TMEM87B: variants seen among roughly 807,000 people sequenced by gnomAD.
The protein encoded by TMEM87B is transmembrane protein 87B.
TMEM87B carries 83 observed loss-of-function variants against 80.3 expected under a neutral mutation model. That is an observed-to-expected ratio of 1.03 (90% CI 0.87 to 1.24). The LOEUF (loss-of-function observed/expected upper bound fraction) is 1.24, where lower values mean the gene tolerates loss of function less well. Ranked by LOEUF, TMEM87B falls within the 50% of genes most tolerant of loss-of-function variation. The pLI is 0.00. For synonymous variants in TMEM87B, 219 were observed against 230.5 expected (o/e 0.95, Z 0.45); for missense variants, 625 against 674.4 (o/e 0.93, Z 0.81).
chr2:112,097,632 G>T (rs1186200434), intron 13 of TMEM87B, among the ~76,000 whole-genome samples: 1 of 141,276 alleles, frequency 7.1e-6, no homozygotes, highest in African/African-American at 2.6e-5. Flanking sequence ...AGACTGGTGT[G>T]AACCCAGGAG....
intron 3 of TMEM87B, among the ~76,000 whole-genome samples, chr2:112,064,572 A>G (rs1383389149): frequency 6.6e-6 from 1 of 152,242 alleles, no homozygotes; most frequent in Non-Finnish European, 1.5e-5. Flanking sequence ...AAAAAATTAT[A>G]GGGAAACTAG....
At chr2:112,068,771 C>T (rs999717580) in intron 4 of TMEM87B, among the ~76,000 whole-genome samples, 2 of 152,190 alleles carry the variant, frequency 1.3e-5, no homozygotes, top group African/African-American at 2.4e-5. Context: ...CATTTTAGCA[C>T]CTAGAACCCC....
intron 11 of TMEM87B, among the ~76,000 whole-genome samples, chr2:112,095,756 T>G (rs780861945): frequency 2.6e-5 from 4 of 152,182 alleles, no homozygotes; most frequent in Non-Finnish European, 5.9e-5. Context: ...TAATGACATA[T>G]TTAAAATTTT....
intron 4 of TMEM87B, among the ~76,000 whole-genome samples, chr2:112,067,491 C>T (rs985146989): frequency 2.6e-5 from 4 of 151,930 alleles, no homozygotes; most frequent in African/African-American, 7.3e-5. Context: ...CCCAGCTACT[C>T]GGGTGGCTGA....
chr2:112,071,241 C>T (rs529091652), intron 4 of TMEM87B, among the ~76,000 whole-genome samples: 1 of 152,044 alleles, frequency 6.6e-6, no homozygotes, highest in Non-Finnish European at 1.5e-5. Flanking sequence ...TATGGGATTG[C>T]ATTCATGATT....
At chr2:112,100,947 T>C (rs1456633199) in intron 15 of TMEM87B, among the ~76,000 whole-genome samples, 4 of 152,198 alleles carry the variant, frequency 2.6e-5, no homozygotes, top group East Asian at 1.9e-4. Flanking sequence ...TTCATAAGAA[T>C]GGTTTGATGT....
At chr2:112,105,132 T>C (rs1249683215) in intron 15 of TMEM87B, among the ~76,000 whole-genome samples, 2 of 152,078 alleles carry the variant, frequency 1.3e-5, no homozygotes. Context: ...ATTTGTAATA[T>C]ATATATATAT....
chr2:112,083,725 G>C (rs374485350), intron 8 of TMEM87B, among the ~76,000 whole-genome samples: 2 of 152,304 alleles, frequency 1.3e-5, no homozygotes, highest in African/African-American at 4.8e-5. Flanking sequence ...TTTGAATGGT[G>C]TCTCTCTCAG....
At chr2:112,079,880 T>C in intron 6 of TMEM87B, among the ~76,000 whole-genome samples, 1 of 152,252 alleles carries the variant, frequency 6.6e-6, no homozygotes, top group East Asian at 1.9e-4. Flanking sequence ...TTAATATCTT[T>C]TGCTCATTTA....
At chr2:112,092,009 C>T (rs1013750201) in intron 11 of TMEM87B, among the ~76,000 whole-genome samples, 7 of 152,186 alleles carry the variant, frequency 4.6e-5, no homozygotes, top group African/African-American at 1.7e-4. Context: ...GTGCCCCATA[C>T]TGACGAGGCA....
At position 112,116,217 on chromosome 2, in the gene TMEM87B, T is replaced by G; in HGVS notation, c.*74T>G. ...TCAAGACTGAAAGTGAGCTTTGATT[T>G]GATATTGCCTAAAAATTTTTATTGT... On this transcript the variant is annotated 3_prime_UTR_variant, in exon 19 of 19. Coordinates refer to ENST00000283206, the MANE Select transcript of TMEM87B (RefSeq NM_032824.3). 1 of 1,318,682 alleles carries G rather than the reference T, an allele frequency of 7.6e-7. No homozygotes were observed. The highest frequency in any genetic ancestry group is 1.1e-6 in the Non-Finnish European group (1 of 949,024). The allele number at this position is 1,318,682 out of a possible 1,614,324, so 81.7% of individuals were successfully genotyped here. A position where few individuals can be genotyped will look rare whatever the true frequency, so the allele number is the denominator to read the frequency against.
chr2:112,055,497 C>A lies in TMEM87B; in HGVS notation c.-95C>A. On this transcript the variant is annotated 5_prime_UTR_variant, in exon 1 of 19. Transcript: ENST00000283206. ...CCTCCACACCCGAGTCCGAGCCCCG[C>A]GTCCCGGATTCGGACCCGCCTGCCT... 2.2e-6 allele frequency: 3 copies of A among 1,334,716 alleles called. No individual in the cohort carries two copies. The African/African-American group carries it at 4.6e-5, about 21-fold the overall frequency. The allele number at this position is 1,334,716 out of a possible 1,614,324, so 82.7% of individuals were successfully genotyped here.
intron 18 of TMEM87B, among the ~76,000 whole-genome samples, chr2:112,115,659 A>G (rs560931772): frequency 6.6e-6 from 1 of 152,342 alleles, no homozygotes; most frequent in South Asian, 2.1e-4. Context: ...TAAGAAATCC[A>G]TTTTAGCTCT....
intron 6 of TMEM87B, among the ~76,000 whole-genome samples, 161 bp from the exon 7 acceptor site, chr2:112,080,896 A>AT (rs1464097467): frequency 6.6e-6 from 1 of 152,242 alleles, no homozygotes; most frequent in Non-Finnish European, 1.5e-5. Flanking sequence ...GTAAGGTTAC[A>AT]TAATCAAACA....
chr2:112,098,699 G>C lies in TMEM87B; in HGVS notation c.1376+1G>C. 1 of 1,613,624 alleles carries C rather than the reference G, an allele frequency of 6.2e-7. No individual in the cohort carries two copies. Among genetic ancestry groups the C allele is most frequent in the Non-Finnish European group, 8.5e-7 (1 of 1,179,662 alleles). ...GGAGACCATCAGCAAACAATCAGAG[G>C]TACCTAACATAGGAAATTTCAAGTC... On this transcript the variant is annotated splice_donor_variant, in intron 14 of 18. Coordinates refer to ENST00000283206, the MANE Select transcript of TMEM87B (RefSeq NM_032824.3). LOFTEE classifies it high-confidence loss of function.
chr2:112,055,717 G>C lies in TMEM87B; in HGVS notation c.126G>C (p.Ala42=), dbSNP rs62000991. The C allele has an allele frequency of 2.2e-3, 3,357 of 1,537,650 alleles. 71 individuals carry two copies. In the African/African-American group the frequency reaches 0.043, roughly 20 times the overall value. ...GCTGGACCCCGGCGGCTGTGCGCGC[G>C]GTCCCTGAGCTCGGGCTCTGGTTAG... ...LLCWTPAAVR[A]VPELGLWLET... Residue 42 remains alanine (A), a synonymous_variant, in exon 1 of 19, where the codon GCG becomes GCC. Transcript: ENST00000283206.
Position 112,118,345 on chromosome 2 carries a change from T to A in TMEM87B, c.*2202T>A, listed in dbSNP as rs1041936411. On this transcript the variant is annotated 3_prime_UTR_variant, in exon 19 of 19. Coordinates refer to ENST00000283206, the MANE Select transcript of TMEM87B (RefSeq NM_032824.3). The stretch of plus-strand genomic sequence containing the variant: ...GCTCATCATCCCTGTTTCTGCACAG[T>A]TTCCTGAAACTGGCCATCAGGGCCT... 4 of 152,210 alleles carry A rather than the reference T, an allele frequency of 2.6e-5. No homozygotes were observed. The highest frequency in any genetic ancestry group is 2.6e-4 in the Admixed American group (4 of 15,280). 9.4% of individuals were successfully genotyped at this position (152,210 alleles called of 1,614,324 possible). A position where few individuals can be genotyped will look rare whatever the true frequency, so the allele number is the denominator to read the frequency against.
chr2:112,076,909 A>G (rs1678839365), intron 5 of TMEM87B, among the ~76,000 whole-genome samples: 1 of 146,876 alleles, frequency 6.8e-6, no homozygotes, highest in African/African-American at 2.5e-5. Flanking sequence ...TGTTTAAAAG[A>G]AACCCAATAT....
chr2:112,070,799 A>C (rs1678599490), intron 4 of TMEM87B, among the ~76,000 whole-genome samples: 1 of 151,974 alleles, frequency 6.6e-6, no homozygotes, highest in Admixed American at 6.6e-5. Context: ...AATTCTTCAT[A>C]TCCATGAGCA....
Sources: gnomAD v4.1 joint callset for allele counts (sites outside exome capture counted in the v4.1 genomes callset) on GRCh38, gnomAD v4.1.1 for gene constraint, MANE v1.5 for transcripts, NCBI Gene and HGNC (gene_info 2026-07-23, HGNC 2026-07-21) for gene names.